C1orf198: variants seen among roughly 807,000 people sequenced by gnomAD.
C1orf198 encodes the protein chromosome 1 open reading frame 198, also known as uncharacterized protein C1orf198.
C1orf198 carries 17 observed loss-of-function variants against 31.4 expected under a neutral mutation model. The ratio of observed to expected loss-of-function variants is 0.54; its 90% CI spans 0.37 to 0.81. C1orf198 has a LOEUF of 0.81. C1orf198 is among the 40% of genes least tolerant of loss of function. C1orf198 has a pLI of 0.00. For missense variants in C1orf198, 401 were observed against 450.3 expected (o/e 0.89, Z 0.99); for synonymous variants, 175 against 193.8 (o/e 0.90, Z 0.81).
intron 2 of C1orf198, among the ~76,000 whole-genome samples, chr1:230,849,958 G>A (rs150418760): frequency 7.3e-4 from 111 of 152,312 alleles, no homozygotes; most frequent in South Asian, 3.5e-3. Flanking sequence ...GAGACGGGGC[G>A]TGAACGTAAG....
chr1:230,855,684 A>T lies in C1orf198; in HGVS notation c.368T>A (p.Phe123Tyr). 2 of 1,612,892 alleles carry T rather than the reference A, an allele frequency of 1.2e-6. No homozygotes were observed. The highest frequency in any genetic ancestry group is 4.5e-5 in the East Asian group (2 of 44,852). ...CCAACTTACCTTTGTTTCCCAGGAGAAAGGGGCAGAGTGCTCATCTTGCCA... is the reference window on the plus strand; with the variant it reads ...CCAACTTACCTTTGTTTCCCAGGAGTAAGGGGCAGAGTGCTCATCTTGCCA... ...LTWQDEHSAPFSWETKSQMEF... is the reference protein window; with the variant it reads ...LTWQDEHSAPYSWETKSQMEF... The change falls in exon 2 of 4, where the codon TTC becomes TAC. Residue 123 changes from phenylalanine to tyrosine, a missense_variant. Physicochemically the swap from Phe to Tyr is conservative, Grantham distance 22. Transcript: ENST00000366663.
chr1:230,851,099 G>T (rs554967232), intron 2 of C1orf198, among the ~76,000 whole-genome samples: 2 of 152,226 alleles, frequency 1.3e-5, no homozygotes, highest in African/African-American at 4.8e-5. Context: ...GCTCATAAAT[G>T]CTTATGTATC....
rs150753725 is a variant in C1orf198 at position 230,843,496 on chromosome 1, C to A, written c.785G>T (p.Arg262Leu). 1.2e-5 allele frequency: 19 copies of A among 1,612,186 alleles called. No homozygotes were observed. The highest frequency in any genetic ancestry group is 1.5e-5 in the Non-Finnish European group (18 of 1,179,116). The change falls in exon 3 of 4, where the codon CGT (arginine) becomes CTT (leucine). Residue 262 changes from arginine (R) to leucine (L), a missense_variant. Physicochemically the swap from Arg to Leu is moderately radical, Grantham distance 102. Coordinates refer to ENST00000366663, the MANE Select transcript of C1orf198 (RefSeq NM_032800.3). The surrounding 1 kb of genome is among the most constrained non-coding windows in gnomAD (Gnocchi z 4.9). ...QRPLPNVSTE[R>L]ERPQPVQAFS... ...GGCCTGGACAGGCTGGGGTCTCTCA[C>A]GTTCGGTGCTCACGTTGGGAAGAGG... is the stretch of plus-strand genomic sequence containing the variant.
At chr1:230,845,797 G>A (rs1400395947) in intron 2 of C1orf198, among the ~76,000 whole-genome samples, 1 of 152,128 alleles carries the variant, frequency 6.6e-6, no homozygotes, top group Non-Finnish European at 1.5e-5. Context: ...AAAAGAATCA[G>A]TCACAACCCT....
At chr1:230,846,850 T>C (rs1669600164) in intron 2 of C1orf198, among the ~76,000 whole-genome samples, 1 of 152,070 alleles carries the variant, frequency 6.6e-6, no homozygotes, top group Non-Finnish European at 1.5e-5. Flanking sequence ...ACGCCTGTAA[T>C]CCCAGCACTT....
At chr1:230,862,841 C>A (rs1210115774) in intron 1 of C1orf198, among the ~76,000 whole-genome samples, 1 of 152,174 alleles carries the variant, frequency 6.6e-6, no homozygotes, top group Non-Finnish European at 1.5e-5. Flanking sequence ...CAAGAGTGAA[C>A]CCTAAACTAT....
chr1:230,868,045 A>T, intron 1 of C1orf198, 135 bp downstream of exon 1: 1 of 732,398 alleles, frequency 1.4e-6, no homozygotes, highest in Non-Finnish European at 1.9e-6. Context: ...CTCCCCTCCC[A>T]CCCACTGCCA....
chr1:230,845,979 T>A (rs1669579871), intron 2 of C1orf198, among the ~76,000 whole-genome samples: 1 of 152,240 alleles, frequency 6.6e-6, no homozygotes. Context: ...TTATTTTTAA[T>A]GGTTGTAAAA....
chr1:230,840,048 C>T lies in C1orf198; in HGVS notation c.928-140G>A. On this transcript the variant is annotated intron_variant, in intron 3 of 3. Transcript: ENST00000366663. This position sits in a 1 kb window ranked among gnomAD's most constrained non-coding sequence, Gnocchi z 4.0. ...CAGAGGTTCCCTGACCTCAATTTAT[C>T]TCAGTGCTTGAAATCAGAAGATTAA... 1.5e-6 allele frequency: 1 copy of T among 669,562 alleles called. No homozygotes were observed. Among genetic ancestry groups the T allele is most frequent in the Middle Eastern group, 4.1e-4 (1 of 2,414 alleles). 41.5% of individuals were successfully genotyped at this position (669,562 alleles called of 1,614,324 possible).
rs1312392033 is a variant in C1orf198 at position 230,868,391 on chromosome 1, C to G, written c.122G>C (p.Arg41Thr). The G allele has an allele frequency of 7.5e-6, 12 of 1,598,708 alleles. No individual in the cohort carries two copies. The highest frequency in any genetic ancestry group is 1.0e-5 in the Non-Finnish European group (12 of 1,173,236). ...CTTCTCCTTGTCCTGCATGATCTTC[C>G]TGGCCATGGGGCTCAGCGACGAGAA... Reference protein sequence around the residue: ...TYFSSLSPMARKIMQDKEKIR... With the variant: ...TYFSSLSPMATKIMQDKEKIR... The change falls in exon 1 of 4, where the codon AGG (arginine) becomes ACG (threonine). Residue 41 changes from arginine to threonine, a missense_variant. Physicochemically the swap from Arg to Thr is moderately conservative, Grantham distance 71. Transcript: ENST00000366663.
chr1:230,849,857 G>A (rs1022166635), intron 2 of C1orf198, among the ~76,000 whole-genome samples: 27 of 152,212 alleles, frequency 1.8e-4, no homozygotes, highest in African/African-American at 6.5e-4. Flanking sequence ...AGAGGGAAGA[G>A]GAGGAAGATG....
intron 2 of C1orf198, among the ~76,000 whole-genome samples, chr1:230,851,187 T>C (rs781232354): frequency 6.6e-5 from 10 of 151,982 alleles, no homozygotes; most frequent in Non-Finnish European, 1.5e-5. Flanking sequence ...TTGATACCCA[T>C]GAAATCAAGG....
chr1:230,861,395 G>GC (rs536684356), intron 1 of C1orf198, among the ~76,000 whole-genome samples: 63 of 151,608 alleles, frequency 4.2e-4, no homozygotes, highest in African/African-American at 1.0e-3. Context: ...TTTAAAGTGT[G>GC]CCCCCCCCAA....
intron 1 of C1orf198, among the ~76,000 whole-genome samples, chr1:230,861,623 C>T (rs1670006305): frequency 6.6e-6 from 1 of 152,174 alleles, no homozygotes; most frequent in Non-Finnish European, 1.5e-5. Context: ...GCTAGTTCGC[C>T]TCACTCCCCC....
At position 230,843,865 on chromosome 1, in the gene C1orf198, G is replaced by A; in HGVS notation, c.416C>T (p.Ser139Phe). 1 of 1,529,196 alleles carries A rather than the reference G, an allele frequency of 6.5e-7. No individual in the cohort carries two copies. Among genetic ancestry groups the A allele is most frequent in the Non-Finnish European group, 8.8e-7 (1 of 1,142,364 alleles). 94.7% of individuals were successfully genotyped at this position (1,529,196 alleles called of 1,614,324 possible). Residue 139 changes from serine to phenylalanine, a missense_variant, in exon 3 of 4, where the codon TCC (serine) becomes TTC (phenylalanine). Transcript: ENST00000366663. The surrounding 1 kb of genome is among the most constrained non-coding windows in gnomAD (Gnocchi z 4.9). ...SQMEFSISAL[S>F]IQEPSNGTAA... ...GGTGCCGTTGCTCGGCTCCTGGATGGATAGGGCGGAGATACTGAACTCCAT... is the reference window on the plus strand; with the variant it reads ...GGTGCCGTTGCTCGGCTCCTGGATGAATAGGGCGGAGATACTGAACTCCAT...
chr1:230,861,012 T>C (rs1004033497), intron 1 of C1orf198, among the ~76,000 whole-genome samples: 4 of 152,206 alleles, frequency 2.6e-5, no homozygotes, highest in African/African-American at 9.7e-5. Context: ...TATGATATTC[T>C]GGAAAAGGCA....
chr1:230,842,587 G>A (rs972437411), intron 3 of C1orf198, among the ~76,000 whole-genome samples: 7 of 152,108 alleles, frequency 4.6e-5, no homozygotes, highest in Non-Finnish European at 7.4e-5. Flanking sequence ...TTGGGGACTC[G>A]GGGAAAGAGT....
At position 230,838,234 on chromosome 1, in the gene C1orf198, A is replaced by G. The variant is rs1287363806; in HGVS notation, c.*1618T>C. On this transcript the variant is annotated 3_prime_UTR_variant, in exon 4 of 4. Coordinates refer to ENST00000366663, the MANE Select transcript of C1orf198 (RefSeq NM_032800.3). This position sits in a 1 kb window ranked among gnomAD's most constrained non-coding sequence, Gnocchi z 4.2. Reference sequence around the variant, plus strand: ...ATGCTGAAACCTTTTTTTGCCTCACATATATCAACTATACTTAAATGGTAC... The same window carrying G: ...ATGCTGAAACCTTTTTTTGCCTCACGTATATCAACTATACTTAAATGGTAC... The G allele has an allele frequency of 6.6e-6, 1 of 152,326 alleles. No individual in the cohort carries two copies. The highest frequency in any genetic ancestry group is 1.9e-4 in the East Asian group (1 of 5,194). 9.4% of individuals were successfully genotyped at this position (152,326 alleles called of 1,614,324 possible).
chr1:230,856,388 A>G (rs1202570), intron 1 of C1orf198, among the ~76,000 whole-genome samples: 103,430 of 151,704 alleles, frequency 0.68, 35,546 homozygotes, highest in South Asian at 0.79. Context: ...AAAGAGCCCT[A>G]TAGAACAATC....
Sources: allele counts gnomAD v4.1 joint callset (sites outside exome capture counted in the v4.1 genomes callset), GRCh38; gene constraint gnomAD v4.1.1; non-coding constraint Gnocchi (gnomAD v3.1); transcripts MANE v1.5; gene names NCBI Gene and HGNC (gene_info 2026-07-23, HGNC 2026-07-21).